SAMD12: variants seen among roughly 807,000 people sequenced by gnomAD.
SAMD12 encodes the protein sterile alpha motif domain-containing protein 12.
Under a neutral mutation model 15.0 loss-of-function variants are expected in SAMD12, and 9 were observed. The ratio of observed to expected loss-of-function variants is 0.60; its 90% CI spans 0.36 to 1.05. SAMD12 has a LOEUF of 1.05. Among genes scored for constraint, SAMD12 ranks in the 50% least tolerant of loss-of-function variants. The pLI is 0.01. For missense variants in SAMD12, 230 were observed against 234.2 expected (o/e 0.98, Z 0.12); for synonymous variants, 86 against 90.1 (o/e 0.96, Z 0.25).
At chr8:118,425,227 C>A (rs1338626011) in intron 3 of SAMD12, among the ~76,000 whole-genome samples, 1 of 152,128 alleles carries the variant, frequency 6.6e-6, no homozygotes, top group African/African-American at 2.4e-5. Context: ...CGTGAGCCAC[C>A]GTGCCCAGCT....
At chr8:118,211,115 T>G (rs1811813134) in intron 4 of SAMD12, among the ~76,000 whole-genome samples, 1 of 152,054 alleles carries the variant, frequency 6.6e-6, no homozygotes, top group Non-Finnish European at 1.5e-5. Flanking sequence ...GGGGAGGAGC[T>G]CTCCTTGCTG....
intron 1 of SAMD12, among the ~76,000 whole-genome samples, chr8:118,611,439 G>T (rs1828109315): frequency 6.6e-6 from 1 of 152,176 alleles, no homozygotes; most frequent in Non-Finnish European, 1.5e-5. Context: ...AAAGGGTAAT[G>T]ACTCGACTGA....
At chr8:118,224,721 AG>A (rs1200104930) in intron 4 of SAMD12, among the ~76,000 whole-genome samples, 11 of 152,332 alleles carry the variant, frequency 7.2e-5, no homozygotes, top group African/African-American at 2.6e-4. Context: ...TGGAGAATAA[AG>A]CACCTGAACA....
the SAMD12 span, among the ~76,000 whole-genome samples, chr8:118,134,931 A>C: frequency 3.3e-5 from 5 of 152,182 alleles, no homozygotes; most frequent in Non-Finnish European, 7.4e-5. Context: ...GAATCATGTG[A>C]AAAACTTGTT....
chr8:118,422,729 G>T (rs901706768), intron 3 of SAMD12, among the ~76,000 whole-genome samples: 2 of 152,186 alleles, frequency 1.3e-5, no homozygotes, highest in African/African-American at 4.8e-5. Context: ...GAAGAAGAGA[G>T]ACTAAATGGT....
chr8:118,251,024 T>C (rs990034256), intron 4 of SAMD12, among the ~76,000 whole-genome samples: 1 of 152,036 alleles, frequency 6.6e-6, no homozygotes, highest in Non-Finnish European at 1.5e-5. Context: ...AAAACCAAGA[T>C]ACACAGAGGT....
At position 118,619,469 on chromosome 8, in the gene SAMD12, ACT is replaced by A. The variant is rs1483853530; in HGVS notation, c.13+2333_13+2334del. ...ACTCTAGCCTGGGCGACAGAGCAAG[ACT>A]CTGTCTCAAAAAAAAAAAAAAAAAA... On this transcript the variant is annotated intron_variant, in intron 1 of 3. Transcript: ENST00000314727. Among the ~76,000 whole-genome samples, 66 of 96,656 alleles carry A rather than the reference ACT, an allele frequency of 6.8e-4. 2 individuals carry two copies. The East Asian group carries it at 0.018, about 26-fold the overall frequency. The allele number at this position is 96,656 out of a possible 152,430, so 63.4% of individuals were successfully genotyped here.
Position 118,495,864 on chromosome 8 carries a change from A to G in SAMD12, c.193-55903T>C, listed in dbSNP as rs142967424. On this transcript the variant is annotated intron_variant, in intron 2 of 3. Coordinates refer to ENST00000314727, the MANE Select transcript of SAMD12 (RefSeq NM_207506.3). ...ATGTTTTGAAATAATACAATTTATA[A>G]TATCAAGGCCATCTACTTGGGGTTT... Among the ~76,000 whole-genome samples, 979 of 152,294 alleles carry G rather than the reference A, an allele frequency of 6.4e-3. 7 individuals are homozygous for G. Among genetic ancestry groups the G allele is most frequent in the African/African-American group, 0.02 (849 of 41,566 alleles).
intron 4 of SAMD12, among the ~76,000 whole-genome samples, chr8:118,198,030 C>T (rs1012207540): frequency 6.6e-6 from 1 of 152,222 alleles, no homozygotes; most frequent in South Asian, 2.1e-4. Context: ...TATGGCGGGG[C>T]TGCAGTTTGG....
At chr8:118,506,865 A>C (rs866732644) in intron 2 of SAMD12, among the ~76,000 whole-genome samples, 12 of 151,398 alleles carry the variant, frequency 7.9e-5, no homozygotes, top group African/African-American at 2.9e-4. Context: ...CTGATCAGGA[A>C]CCTTCAACCA....
chr8:118,543,166 C>G (rs1210708066), intron 2 of SAMD12, among the ~76,000 whole-genome samples: 1 of 152,178 alleles, frequency 6.6e-6, no homozygotes, highest in African/African-American at 2.4e-5. Context: ...CTTGAAAGGT[C>G]TGTTCCACGC....
At chr8:118,132,980 A>ATATATATAT in the SAMD12 span, among the ~76,000 whole-genome samples, 1 of 18,100 alleles carries the variant, frequency 5.5e-5, no homozygotes, top group Non-Finnish European at 1.1e-4. Flanking sequence ...GTGTATATAT[A>ATATATATAT]TATATATATA....
chr8:118,536,795 G>A (rs1334886341), intron 2 of SAMD12, among the ~76,000 whole-genome samples: 3 of 152,142 alleles, frequency 2.0e-5, no homozygotes, highest in African/African-American at 7.2e-5. Context: ...CTCAAGATAT[G>A]AGCTTATACA....
At chr8:118,498,425 A>G (rs1163002969) in intron 2 of SAMD12, among the ~76,000 whole-genome samples, 1 of 152,238 alleles carries the variant, frequency 6.6e-6, no homozygotes, top group African/African-American at 2.4e-5. Flanking sequence ...TGCCTGTAGC[A>G]TTTACTACCT....
intron 2 of SAMD12, among the ~76,000 whole-genome samples, chr8:118,467,955 C>T (rs371558951): frequency 1.3e-5 from 2 of 152,326 alleles, no homozygotes; most frequent in African/African-American, 4.8e-5. Flanking sequence ...AATGTGGCAC[C>T]ATGCCACAGA....
At chr8:118,620,339 T>C (rs1160055381) in intron 1 of SAMD12, among the ~76,000 whole-genome samples, 1 of 145,976 alleles carries the variant, frequency 6.9e-6, no homozygotes. Flanking sequence ...AGATGAACTT[T>C]ATCTCGGCTT....
At chr8:118,582,204 A>C (rs1827313554) in intron 1 of SAMD12, among the ~76,000 whole-genome samples, 1 of 152,158 alleles carries the variant, frequency 6.6e-6, no homozygotes, top group Non-Finnish European at 1.5e-5. Flanking sequence ...CCCAATCAAC[A>C]TTCTGGTGAC....
At chr8:118,282,963 T>C (rs1197423593) in intron 4 of SAMD12, among the ~76,000 whole-genome samples, 2 of 152,126 alleles carry the variant, frequency 1.3e-5, no homozygotes, top group Non-Finnish European at 2.9e-5. Context: ...ACTTTACAAT[T>C]GCTTTCATGG....
chr8:118,528,145 G>GCC (rs1471349618), intron 2 of SAMD12, among the ~76,000 whole-genome samples: 9 of 152,158 alleles, frequency 5.9e-5, no homozygotes, highest in African/African-American at 2.2e-4. Context: ...TCCTGCCTCA[G>GCC]CCTCCCAAGT....
Sources: allele counts gnomAD v4.1 joint callset (sites outside exome capture counted in the v4.1 genomes callset), GRCh38; gene constraint gnomAD v4.1.1; transcripts MANE v1.5; gene names NCBI Gene and HGNC (gene_info 2026-07-23, HGNC 2026-07-21).